The following ITGAX variants were observed in gnomAD, a reference collection of about 807,000 sequenced individuals.
The protein encoded by ITGAX is integrin alpha-X.
In ITGAX, 99 loss-of-function variants were observed where a neutral mutation model predicts 140.2. That is an observed-to-expected ratio of 0.71 (90% CI 0.60 to 0.83). The LOEUF is 0.83. Among genes scored for constraint, ITGAX ranks in the 40% least tolerant of loss-of-function variants. The pLI, the probability that ITGAX is intolerant of heterozygous loss-of-function variation, is 0.00. For missense variants in ITGAX, 1,444 were observed against 1,482.0 expected, an observed-to-expected ratio of 0.97 and a Z score of 0.42; for synonymous variants, 631 against 600.4, an observed-to-expected ratio of 1.05 and a Z score of -0.75.
intron 3 of ITGAX, 124 bp from the exon 4 acceptor site, chr16:31,356,907 A>G: frequency 1.1e-6 from 1 of 937,662 alleles, no homozygotes; most frequent in Non-Finnish European, 1.6e-6. Context: ...AGCTCTGTCA[A>G]GACCCGACAG....
intron 14 of ITGAX, 47 bp downstream of exon 14, chr16:31,363,421 C>T: frequency 6.3e-7 from 1 of 1,591,400 alleles, no homozygotes; most frequent in Non-Finnish European, 8.6e-7. Context: ...TGCTTCTTGC[C>T]TCTCCCACTC....
chr16:31,379,096 G>C (rs1048052143), intron 23 of ITGAX, among the ~76,000 whole-genome samples: 3 of 151,492 alleles, frequency 2.0e-5, no homozygotes, highest in Non-Finnish European at 4.4e-5. Context: ...GATTATAGGC[G>C]TGAGCACTGT....
intron 19 of ITGAX, 120 bp from the exon 20 acceptor site, chr16:31,373,128 GA>G (rs2080987751): frequency 1.5e-6 from 1 of 652,944 alleles, no homozygotes. Context: ...AGAAGAAGAA[GA>G]AGAACCCAGG....
At chr16:31,355,832 G>A in intron 1 of ITGAX, 61 bp from the exon 2 acceptor site, 1 of 1,330,656 alleles carries the variant, frequency 7.5e-7, no homozygotes, top group Non-Finnish European at 1.1e-6. Flanking sequence ...GGCCGGGGGT[G>A]GAGGGCAGCC....
Position 31,379,630 on chromosome 16 carries a change from C to T in ITGAX, c.2852C>T (p.Ala951Val). The change falls in exon 24 of 30, where the codon GCC becomes GTC. Residue 951 changes from alanine to valine, a missense_variant. Ala to Val is a moderately conservative substitution (Grantham distance 64). Transcript: ENST00000268296. ...TCTGAGGAGAAGGAAAGCCATGTGG[C>T]CATGCACAGATACCAGGCAGGTGGT... ...SESEEKESHV[A>V]MHRYQVNNLG... 1 of 1,563,576 alleles carries T rather than the reference C, an allele frequency of 6.4e-7. No individual in the cohort carries two copies. Among genetic ancestry groups the T allele is most frequent in the Non-Finnish European group, 8.7e-7 (1 of 1,152,912 alleles).
chr16:31,369,294 C>T (rs1168251253), intron 14 of ITGAX, among the ~76,000 whole-genome samples: 1 of 146,130 alleles, frequency 6.8e-6, no homozygotes, highest in Non-Finnish European at 1.5e-5. Flanking sequence ...GGCTGACCCC[C>T]CCCCCCACCT....
chr16:31,373,101 A>AAAG lies in ITGAX; in HGVS notation c.2367-118_2367-116dup, dbSNP rs146920512. 5.0e-3 allele frequency: 2,388 copies of AAAG among 480,218 alleles called. 16 individuals are homozygous for AAAG. Among genetic ancestry groups the AAAG allele is most frequent in the South Asian group, 5.7e-3 (237 of 41,676 alleles). 29.7% of individuals were successfully genotyped at this position (480,218 alleles called of 1,614,324 possible). A position where few individuals can be genotyped will look rare whatever the true frequency, so the allele number is the denominator to read the frequency against. ...GAGCAGGACTCTGTCTCTTAAAAAAAAAGAAGAAGAAGAAGAAGAAGAAGA... is the reference window on the plus strand; with the variant it reads ...GAGCAGGACTCTGTCTCTTAAAAAAAAAGAAGAAGAAGAAGAAGAAGAAGAAGA... On this transcript the variant is annotated intron_variant, in intron 19 of 29. Coordinates refer to ENST00000268296, the MANE Select transcript of ITGAX (RefSeq NM_000887.5).
chr16:31,361,310 C>T (rs1489111550), intron 9 of ITGAX, 97 bp downstream of exon 9: 7 of 1,339,074 alleles, frequency 5.2e-6, no homozygotes, highest in South Asian at 2.7e-5. Flanking sequence ...GACAGCGTCT[C>T]GGTTCTCCTG....
Position 31,382,483 on chromosome 16 carries a change from A to C in ITGAX, c.*576A>C. 1 of 1,519,788 alleles carries C rather than the reference A, an allele frequency of 6.6e-7. No homozygotes were observed. The highest frequency in any genetic ancestry group is 8.8e-7 in the Non-Finnish European group (1 of 1,132,038). The allele number at this position is 1,519,788 out of a possible 1,614,324, so 94.1% of individuals were successfully genotyped here. A position where few individuals can be genotyped will look rare whatever the true frequency, so the allele number is the denominator to read the frequency against. On this transcript the variant is annotated 3_prime_UTR_variant, in exon 30 of 30. Transcript: ENST00000268296. Reference sequence around the variant, plus strand: ...TCTTCAACAGCTCCCCATTACCCTCAGGACAATGTCTGAACTCTCCAGCTT... The same window carrying C: ...TCTTCAACAGCTCCCCATTACCCTCCGGACAATGTCTGAACTCTCCAGCTT...
In ITGAX at chr16:31,377,089, G is replaced by C; in HGVS notation, c.2705+10G>C. The stretch of plus-strand genomic sequence containing the variant: ...CAGCCAATGTGAGCAGGTGAGCCGG[G>C]CCAGGCCAGGGGCAGTGCCCCTCAT... On this transcript the variant is annotated intron_variant, in intron 22 of 29. Coordinates refer to ENST00000268296, the MANE Select transcript of ITGAX (RefSeq NM_000887.5). 6.2e-7 allele frequency: 1 copy of C among 1,614,084 alleles called. No homozygotes were observed. The highest frequency in any genetic ancestry group is 8.5e-7 in the Non-Finnish European group (1 of 1,179,980).
At position 31,360,319 on chromosome 16, in the gene ITGAX, G is replaced by T; in HGVS notation, c.717G>T (p.Leu239Phe). 1 of 1,612,072 alleles carries T rather than the reference G, an allele frequency of 6.2e-7. No homozygotes were observed. Residue 239 changes from leucine to phenylalanine, a missense_variant, in exon 8 of 30, where the codon TTG becomes TTT. Leu to Phe is a conservative substitution (Grantham distance 22). Coordinates refer to ENST00000268296, the MANE Select transcript of ITGAX (RefSeq NM_000887.5). ...TCTCCTTTCCTGATAGGCACCGATT[G>T]TTCCATGCCTCATATGGGGCCCGTA... ...ATAIQNVVHR[L>F]FHASYGARRD... is the part of the protein sequence containing the mutation.
In ITGAX at chr16:31,382,669, T is replaced by C. The variant is rs1396501102; in HGVS notation, c.*762T>C. On this transcript the variant is annotated 3_prime_UTR_variant, in exon 30 of 30. Transcript: ENST00000268296. ...CTCAGTTCCGATTTCCCAGGCTGAA[T>C]TGGGAGTGAGATGCCTGCATGCTGG... The C allele has an allele frequency of 1.1e-5, 7 of 618,072 alleles. No individual in the cohort carries two copies. Among genetic ancestry groups the C allele is most frequent in the African/African-American group, 7.3e-5 (4 of 54,530 alleles). 38.3% of individuals were successfully genotyped at this position (618,072 alleles called of 1,614,324 possible).
At chr16:31,376,648 A>G (rs1002920826) in intron 20 of ITGAX, 151 bp from the exon 21 acceptor site, 12 of 667,744 alleles carry the variant, frequency 1.8e-5, no homozygotes, top group Non-Finnish European at 3.0e-5. Context: ...ACAAACAAAA[A>G]CATAAGCTTA....
At chr16:31,369,242 C>G (rs1339213724) in intron 14 of ITGAX, among the ~76,000 whole-genome samples, 1 of 147,924 alleles carries the variant, frequency 6.8e-6, no homozygotes, top group Non-Finnish European at 1.5e-5. Flanking sequence ...GGGGGCTGAC[C>G]CCCCCACCTC....
At chr16:31,374,551 C>T (rs1175511895) in intron 20 of ITGAX, among the ~76,000 whole-genome samples, 2 of 152,094 alleles carry the variant, frequency 1.3e-5, no homozygotes, top group African/African-American at 4.8e-5. Flanking sequence ...GCGATCCTCC[C>T]ATCTCAGCCT....
chr16:31,376,940 C>A (rs533382955), intron 21 of ITGAX, 25 bp downstream of exon 21: 3 of 1,613,590 alleles, frequency 1.9e-6, no homozygotes, highest in Admixed American at 3.3e-5. Context: ...TGTCCCCTCA[C>A]TGCTCCCCTG....
Position 31,362,084 on chromosome 16 carries a change from G to T in ITGAX, c.1096G>T (p.Val366Phe). The T allele has an allele frequency of 6.2e-7, 1 of 1,614,144 alleles. No homozygotes were observed. Reference sequence around the variant, plus strand: ...AATCCTTTTCTCCCAGGATGGCCCCGTTCTGGGGGCTGTGGGGAGCTTCAC... The same window carrying T: ...AATCCTTTTCTCCCAGGATGGCCCCTTTCTGGGGGCTGTGGGGAGCTTCAC... ...FSAVFTPDGP[V>F]LGAVGSFTWS... Residue 366 changes from valine (V) to phenylalanine (F), a missense_variant, in exon 11 of 30, where the codon GTT (valine) becomes TTT (phenylalanine). Val to Phe is a conservative substitution (Grantham distance 50). Coordinates refer to ENST00000268296, the MANE Select transcript of ITGAX (RefSeq NM_000887.5).
At position 31,362,841 on chromosome 16, in the gene ITGAX, G is replaced by C. The variant is rs1416294893; in HGVS notation, c.1359+88G>C. On this transcript the variant is annotated intron_variant, in intron 12 of 29. Transcript: ENST00000268296. ...AGGATGGAGGGGCTTTGAGGGCCTT[G>C]GGGGAGGTCCTGGTACCTGGGGAGA... 4 of 1,606,188 alleles carry C rather than the reference G, an allele frequency of 2.5e-6. No homozygotes were observed. The African/African-American group carries it at 5.4e-5, about 22-fold the overall frequency.
At position 31,373,385 on chromosome 16, in the gene ITGAX, G is replaced by T; in HGVS notation, c.2503G>T (p.Gly835Cys). The change falls in exon 20 of 30, where the codon GGC becomes TGC. Residue 835 changes from glycine (G) to cysteine (C), a missense_variant. By Grantham distance (159) the Gly-to-Cys change is radical (BLOSUM62 -3). Transcript: ENST00000268296. Reference protein sequence around the residue: ...AGLSYRYVAEGQKQGQLRSLH... With the variant: ...AGLSYRYVAECQKQGQLRSLH... Reference sequence around the variant, plus strand: ...ACTGTCCTACCGCTACGTGGCAGAGGGCCAGGTGCACCCTCTGGGGAAGGA... The same window carrying T: ...ACTGTCCTACCGCTACGTGGCAGAGTGCCAGGTGCACCCTCTGGGGAAGGA... 1 of 1,610,320 alleles carries T rather than the reference G, an allele frequency of 6.2e-7. No homozygotes were observed. The highest frequency in any genetic ancestry group is 2.2e-5 in the East Asian group (1 of 44,704).
Sources: allele counts gnomAD v4.1 joint callset (sites outside exome capture counted in the v4.1 genomes callset), GRCh38; gene constraint gnomAD v4.1.1; transcripts MANE v1.5; gene names NCBI Gene and HGNC (gene_info 2026-07-23, HGNC 2026-07-21).